ARHGEF17: variants seen among roughly 807,000 people sequenced by gnomAD.
The protein encoded by ARHGEF17 is Rho guanine nucleotide exchange factor 17.
In ARHGEF17, 80 loss-of-function variants were observed where a neutral mutation model predicts 174.0. The observed-to-expected ratio is 0.46, with a 90% CI of 0.38 to 0.55. The LOEUF (loss-of-function observed/expected upper bound fraction) is 0.55. ARHGEF17 is among the 20% of genes least tolerant of loss of function. ARHGEF17 has a pLI of 0.00. For missense variants in ARHGEF17, 2,886 were observed against 2,839.7 expected, an observed-to-expected ratio of 1.02 and a Z score of -0.37; for synonymous variants, 1,311 against 1,189.1, an observed-to-expected ratio of 1.10 and a Z score of -2.11.
chr11:73,363,669 G>A (rs774622086), intron 15 of ARHGEF17, 78 bp from the exon 16 acceptor site: 26 of 1,573,550 alleles, frequency 1.7e-5, no homozygotes, highest in Non-Finnish European at 2.3e-5. Flanking sequence ...GTGGTGCTAG[G>A]GGCAAAGAGG....
Position 73,368,100 on chromosome 11 carries a change from G to A in ARHGEF17, c.*320G>A, listed in dbSNP as rs79374284. On this transcript the variant is annotated 3_prime_UTR_variant, in exon 21 of 21. Coordinates refer to ENST00000263674, the MANE Select transcript of ARHGEF17 (RefSeq NM_014786.4). ...TCTGGACCCCACGGGGCTGGGGAGG[G>A]CCATGTGCAATATTTGGAGGGTTTT... The A allele has an allele frequency of 5.2e-3, 1,502 of 288,040 alleles. 29 individuals carry two copies. The highest frequency in any genetic ancestry group is 0.03 in the African/African-American group (1,408 of 47,044). 17.8% of individuals were successfully genotyped at this position (288,040 alleles called of 1,614,324 possible).
At chr11:73,323,097 C>G (rs575346485) in intron 1 of ARHGEF17, among the ~76,000 whole-genome samples, 1 of 152,268 alleles carries the variant, frequency 6.6e-6, no homozygotes, top group Admixed American at 6.5e-5. Context: ...AGCCTCCTGT[C>G]TGACCTCAAA....
rs528793075 is a variant in ARHGEF17 at position 73,360,558 on chromosome 11, TCTC to T, written c.4420+31_4420+33del. On this transcript the variant is annotated intron_variant, in intron 11 of 20. Coordinates refer to ENST00000263674, the MANE Select transcript of ARHGEF17 (RefSeq NM_014786.4). ...GGTAAGCCAAGGCACATGTTGGCCC[TCTC>T]CTCCTAGAGCTTCCAGGCAGGAGGC... 3.9e-4 allele frequency: 635 copies of T among 1,612,172 alleles called. 3 individuals are homozygous for T. The African/African-American group carries it at 7.4e-3, about 19-fold the overall frequency.
intron 9 of ARHGEF17, 51 bp downstream of exon 9, chr11:73,357,378 C>T: frequency 6.5e-7 from 1 of 1,534,980 alleles, no homozygotes; most frequent in Non-Finnish European, 8.9e-7. Context: ...TCTGAGAAGC[C>T]CTCCTGGAGG....
intron 1 of ARHGEF17, among the ~76,000 whole-genome samples, chr11:73,336,706 G>A (rs1414482777): frequency 6.6e-6 from 1 of 152,228 alleles, no homozygotes; most frequent in Admixed American, 6.5e-5. Flanking sequence ...CTCACTGCCT[G>A]TGTGACCATG....
At chr11:73,349,441 C>G (rs1022646876) in intron 2 of ARHGEF17, among the ~76,000 whole-genome samples, 1 of 152,106 alleles carries the variant, frequency 6.6e-6, no homozygotes, top group Non-Finnish European at 1.5e-5. Flanking sequence ...GTGGTGAAAC[C>G]TCATCTCTAC....
chr11:73,365,528 G>A lies in ARHGEF17; in HGVS notation c.5689G>A (p.Val1897Ile), dbSNP rs762045719. 1 of 1,614,178 alleles carries A rather than the reference G, an allele frequency of 6.2e-7. No individual in the cohort carries two copies. The highest frequency in any genetic ancestry group is 1.1e-5 in the South Asian group (1 of 91,082). Reference protein sequence around the residue: ...HPDTFEQLAEVDVTPPVHRML... With the variant: ...HPDTFEQLAEIDVTPPVHRML... ...AGACACCTTTGAGCAGCTGGCAGAA[G>A]TAGACGTCACTCCTCCCGTGCACAG... The change falls in exon 19 of 21, where the codon GTA becomes ATA. Residue 1897 changes from valine (V) to isoleucine (I), a missense_variant. By Grantham distance (29) the Val-to-Ile change is conservative (BLOSUM62 3). Transcript: ENST00000263674. The surrounding 1 kb of genome is among the most constrained non-coding windows in gnomAD (Gnocchi z 4.9).
chr11:73,360,136 A>T (rs1008183007), intron 10 of ARHGEF17, among the ~76,000 whole-genome samples, 184 bp downstream of exon 10: 2 of 152,154 alleles, frequency 1.3e-5, no homozygotes, highest in African/African-American at 4.8e-5. Context: ...GGGTGGAGAC[A>T]TAGCTGCATC....
Position 73,365,389 on chromosome 11 carries a change from G to C in ARHGEF17, c.5551-1G>C. On this transcript the variant is annotated splice_acceptor_variant, in intron 18 of 20. Transcript: ENST00000263674. LOFTEE classifies it high-confidence loss of function. The surrounding 1 kb of genome is among the most constrained non-coding windows in gnomAD (Gnocchi z 4.9). Reference sequence around the variant, plus strand: ...CCCATCTTCTCCCCCGCCTTCCCCAGCACATGTTTTACGTGGGTCAGGATT... The same window carrying C: ...CCCATCTTCTCCCCCGCCTTCCCCACCACATGTTTTACGTGGGTCAGGATT... The C allele has an allele frequency of 6.2e-7, 1 of 1,613,858 alleles. No homozygotes were observed. The highest frequency in any genetic ancestry group is 8.5e-7 in the Non-Finnish European group (1 of 1,180,000).
intron 1 of ARHGEF17, among the ~76,000 whole-genome samples, chr11:73,324,837 A>T (rs992834093): frequency 6.6e-6 from 1 of 152,210 alleles, no homozygotes; most frequent in African/African-American, 2.4e-5. Context: ...GTAGTTGCTC[A>T]GTAAATATTA....
chr11:73,343,421 T>C (rs1865408236), intron 1 of ARHGEF17: 2 of 390,838 alleles, frequency 5.1e-6, no homozygotes, highest in Admixed American at 8.9e-5. Context: ...ACCTGGAGAT[T>C]GCCGGTGAGG....
chr11:73,362,898 G>A (rs1865771669), intron 14 of ARHGEF17, among the ~76,000 whole-genome samples, 164 bp downstream of exon 14: 1 of 152,248 alleles, frequency 6.6e-6, no homozygotes, highest in African/African-American at 2.4e-5. Context: ...AGGATCCAGA[G>A]GACAGTGGGA....
At chr11:73,329,423 G>A (rs1198999498) in intron 1 of ARHGEF17, among the ~76,000 whole-genome samples, 3 of 119,646 alleles carry the variant, frequency 2.5e-5, no homozygotes, top group East Asian at 2.4e-4. Context: ...TTTTTGAGAC[G>A]GAGTCTCATT....
intron 3 of ARHGEF17, among the ~76,000 whole-genome samples, chr11:73,354,849 C>A (rs1865610705): frequency 6.6e-6 from 1 of 152,266 alleles, no homozygotes; most frequent in Non-Finnish European, 1.5e-5. Context: ...TACCAATAAC[C>A]TCCATATTTA....
At chr11:73,349,963 G>A (rs1286881508) in intron 2 of ARHGEF17, among the ~76,000 whole-genome samples, 1 of 152,166 alleles carries the variant, frequency 6.6e-6, no homozygotes, top group Non-Finnish European at 1.5e-5. Context: ...ATTCAAACTT[G>A]GCTCCATCTC....
intron 1 of ARHGEF17, among the ~76,000 whole-genome samples, chr11:73,338,458 C>T (rs377084697): frequency 2.0e-5 from 3 of 152,316 alleles, no homozygotes; most frequent in African/African-American, 7.2e-5. Context: ...AGGTTGGGAA[C>T]ATCCCGTACC....
intron 1 of ARHGEF17, among the ~76,000 whole-genome samples, chr11:73,337,311 A>G (rs1238085282): frequency 1.3e-5 from 2 of 151,750 alleles, no homozygotes; most frequent in African/African-American, 4.8e-5. Flanking sequence ...GGATGCTGAG[A>G]CAGGAGGATC....
Position 73,309,105 on chromosome 11 carries a change from C to T in ARHGEF17, c.467C>T (p.Ala156Val). Residue 156 changes from alanine (A) to valine (V), a missense_variant, in exon 1 of 21, where the codon GCC becomes GTC. This residue lies in a region of ARHGEF17 where 1,728 missense variants were observed against 1,461.2 expected (regional missense o/e 1.18). Transcript: ENST00000263674. ...ESPGTPSPDG[A>V]AWEPPARESR... ...CCAGGAACGCCCAGCCCCGACGGTG[C>T]CGCGTGGGAGCCTCCGGCTCGGGAG... is the stretch of plus-strand genomic sequence containing the variant. 1 of 1,559,084 alleles carries T rather than the reference C, an allele frequency of 6.4e-7. No individual in the cohort carries two copies. Among genetic ancestry groups the T allele is most frequent in the Non-Finnish European group, 8.7e-7 (1 of 1,155,510 alleles).
chr11:73,360,616 C>A, intron 11 of ARHGEF17, 83 bp downstream of exon 11: 3 of 1,490,340 alleles, frequency 2.0e-6, no homozygotes, highest in South Asian at 2.3e-5. Context: ...TCTGTGACTT[C>A]AGGAGCCAGA....
Sources: gnomAD v4.1 joint callset for allele counts (sites outside exome capture counted in the v4.1 genomes callset) on GRCh38, gnomAD v4.1.1 for gene constraint, gnomAD v4.1.1 regional missense constraint, Gnocchi (gnomAD v3.1) non-coding constraint, MANE v1.5 for transcripts, NCBI Gene and HGNC (gene_info 2026-07-23, HGNC 2026-07-21) for gene names.